Variants in NAA15 observed in about 807,000 individuals in gnomAD.
NAA15 encodes N-terminal acetyltransferase.
In NAA15, 34 loss-of-function variants were observed where a neutral mutation model predicts 114.0. The ratio of observed to expected loss-of-function variants is 0.30; its 90% CI spans 0.23 to 0.40. The LOEUF is 0.40. NAA15 is among the 10% of genes least tolerant of loss of function. NAA15 has a pLI of 1.00. For missense variants in NAA15, 658 were observed against 1,004.5 expected, an observed-to-expected ratio of 0.66 and a Z score of 4.66; for synonymous variants, 340 against 338.0, an observed-to-expected ratio of 1.01 and a Z score of -0.06.
intron 7 of NAA15, among the ~76,000 whole-genome samples, chr4:139,350,228 A>T (rs1048008777): frequency 6.6e-6 from 1 of 152,192 alleles, no homozygotes; most frequent in African/African-American, 2.4e-5. Flanking sequence ...GGATTGCTTG[A>T]GCCCAGGAGT....
At chr4:139,342,751 T>G in intron 4 of NAA15, 75 bp from the exon 5 acceptor site, 1 of 1,432,342 alleles carries the variant, frequency 7.0e-7, no homozygotes, top group Non-Finnish European at 9.6e-7. Context: ...CCTGGCCTAA[T>G]ATGGAGATCT....
intron 1 of NAA15, among the ~76,000 whole-genome samples, chr4:139,315,614 A>G (rs1746385583): frequency 6.6e-6 from 1 of 151,916 alleles, no homozygotes; most frequent in Non-Finnish European, 1.5e-5. Flanking sequence ...AGGTAGTGAG[A>G]TACGTATACA....
intron 2 of NAA15, among the ~76,000 whole-genome samples, chr4:139,335,794 C>G (rs1357949903): frequency 1.4e-5 from 2 of 146,050 alleles, no homozygotes; most frequent in Non-Finnish European, 3.0e-5. Flanking sequence ...GAGTCTCACT[C>G]TGTTGCCCAG....
chr4:139,373,302 T>C (rs1416275799), intron 15 of NAA15, among the ~76,000 whole-genome samples: 1 of 152,186 alleles, frequency 6.6e-6, no homozygotes, highest in Non-Finnish European at 1.5e-5. Context: ...CAAACCTGTA[T>C]AGCATGTTAC....
chr4:139,361,798 T>C lies in NAA15; in HGVS notation c.1614T>C (p.Tyr538=), dbSNP rs750641300. The C allele has an allele frequency of 5.6e-6, 9 of 1,613,106 alleles. No individual in the cohort carries two copies. The South Asian group carries it at 9.9e-5, about 18-fold the overall frequency. ...YCMRKITLRS[Y]VDLLKLEDVL... ...TGAGGAAGATTACCCTTAGATCATA[T>C]GTGGACTTATTAAAACTAGAAGATG... Residue 538 remains tyrosine, a synonymous_variant, in exon 14 of 20, where the codon TAT becomes TAC. Coordinates refer to ENST00000296543, the MANE Select transcript of NAA15 (RefSeq NM_057175.5).
chr4:139,391,131 A>G lies in NAA15; in HGVS notation c.*3047A>G, dbSNP rs1406492293. On this transcript the variant is annotated 3_prime_UTR_variant, in exon 20 of 20. Transcript: ENST00000296543. ...GAAATGAATCTTTGAGATTTCAAAG[A>G]AAGACTGACCTTTCAAATAGAAGGC... 1 of 152,240 alleles carries G rather than the reference A, an allele frequency of 6.6e-6. No homozygotes were observed. Among genetic ancestry groups the G allele is most frequent in the East Asian group, 1.9e-4 (1 of 5,206 alleles). The allele number at this position is 152,240 out of a possible 1,614,324, so 9.4% of individuals were successfully genotyped here.
chr4:139,347,220 T>G (rs1050745402), intron 6 of NAA15, among the ~76,000 whole-genome samples: 1 of 152,172 alleles, frequency 6.6e-6, no homozygotes, highest in African/African-American at 2.4e-5. Flanking sequence ...GTAGCGCTCC[T>G]AGCTTATTTA....
chr4:139,337,521 A>G (rs1009149113), intron 3 of NAA15, among the ~76,000 whole-genome samples: 46 of 152,214 alleles, frequency 3.0e-4, no homozygotes, highest in African/African-American at 1.1e-3. Context: ...TAATGATGAG[A>G]TATATAACAT....
chr4:139,378,976 T>C, intron 17 of NAA15, 122 bp downstream of exon 17: 1 of 608,276 alleles, frequency 1.6e-6, no homozygotes, highest in Non-Finnish European at 2.8e-6. Flanking sequence ...CTAAATTAGC[T>C]AAGGGAAAAG....
chr4:139,359,706 A>C (rs1748073470), intron 11 of NAA15, 37 bp from the exon 12 acceptor site: 1 of 1,570,000 alleles, frequency 6.4e-7, no homozygotes, highest in African/African-American at 1.4e-5. Flanking sequence ...TAAACTTAGC[A>C]TGCTAACTGG....
At chr4:139,303,218 C>G (rs1450525917) in intron 1 of NAA15, among the ~76,000 whole-genome samples, 1 of 152,088 alleles carries the variant, frequency 6.6e-6, no homozygotes, top group African/African-American at 2.4e-5. Context: ...TGTTTTAAGA[C>G]TAAGAGTGTA....
Position 139,387,930 on chromosome 4 carries a change from A to C in NAA15, c.2447A>C (p.Asp816Ala), listed in dbSNP as rs1748952558. Residue 816 changes from aspartate to alanine, a missense_variant, in exon 20 of 20, where the codon GAC becomes GCC. Coordinates refer to ENST00000296543, the MANE Select transcript of NAA15 (RefSeq NM_057175.5). The stretch of plus-strand genomic sequence containing the variant: ...GCCTTGTATGATGGTAGCCTAGGAG[A>C]CTGTAAAGAAGCTGCTGAAATTTAT... ...LEALYDGSLG[D>A]CKEAAEIYRA... is the part of the protein sequence containing the mutation. 2 of 1,613,936 alleles carry C rather than the reference A, an allele frequency of 1.2e-6. No homozygotes were observed. Among genetic ancestry groups the C allele is most frequent in the Middle Eastern group, 1.7e-4 (1 of 6,056 alleles).
At chr4:139,321,760 G>A (rs983532645) in intron 1 of NAA15, among the ~76,000 whole-genome samples, 4 of 146,494 alleles carry the variant, frequency 2.7e-5, no homozygotes, top group African/African-American at 1.0e-4. Flanking sequence ...TGGGATTACA[G>A]GTGTGAGCCA....
At chr4:139,369,918 C>T (rs1748387673) in intron 14 of NAA15, among the ~76,000 whole-genome samples, 1 of 151,972 alleles carries the variant, frequency 6.6e-6, no homozygotes, top group Non-Finnish European at 1.5e-5. Flanking sequence ...AATTATGCTA[C>T]CTCAGCCTCC....
chr4:139,339,737 G>A (rs1006063319), intron 3 of NAA15, among the ~76,000 whole-genome samples: 4 of 151,984 alleles, frequency 2.6e-5, no homozygotes, highest in Non-Finnish European at 5.9e-5. Flanking sequence ...GTGACAGAGC[G>A]AGACTCCATC....
At chr4:139,302,146 G>T (rs1425508988) in intron 1 of NAA15, 2 of 314,304 alleles carry the variant, frequency 6.4e-6, no homozygotes, top group Admixed American at 4.9e-5. Context: ...GGCCTTTGGC[G>T]GGCAAGTGGG....
chr4:139,341,963 C>T (rs1469150330), intron 4 of NAA15, among the ~76,000 whole-genome samples: 1 of 152,024 alleles, frequency 6.6e-6, no homozygotes, highest in African/African-American at 2.4e-5. Context: ...CTCAGGCAGT[C>T]CACCCCACCT....
rs145416832 is a variant in NAA15 at position 139,370,127 on chromosome 4, A to G, written c.1754-84A>G. 329 of 1,136,324 alleles carry G rather than the reference A, an allele frequency of 2.9e-4. 3 individuals carry two copies. In the East Asian group the frequency reaches 9.3e-3, roughly 32 times the overall value. The allele number at this position is 1,136,324 out of a possible 1,614,324, so 70.4% of individuals were successfully genotyped here. A position where few individuals can be genotyped will look rare whatever the true frequency, so the allele number is the denominator to read the frequency against. On this transcript the variant is annotated intron_variant, in intron 14 of 19. Transcript: ENST00000296543. ...GCCTCATGCAATATTTTTTAATGGA[A>G]GTTTGGTAGGATCAAATAATACTTA...
intron 1 of NAA15, among the ~76,000 whole-genome samples, chr4:139,310,372 T>C (rs1266004276): frequency 6.8e-6 from 1 of 146,704 alleles, no homozygotes; most frequent in Non-Finnish European, 1.5e-5. Flanking sequence ...GAGAATGGCG[T>C]GAACCCAGGA....
Sources: gnomAD v4.1 joint callset for allele counts (sites outside exome capture counted in the v4.1 genomes callset) on GRCh38, gnomAD v4.1.1 for gene constraint, MANE v1.5 for transcripts, NCBI Gene and HGNC (gene_info 2026-07-23, HGNC 2026-07-21) for gene names.